The following TRPM1 variants were observed in gnomAD, a reference collection of about 807,000 sequenced individuals.
The protein encoded by TRPM1 is transient receptor potential cation channel subfamily M member 1, also known as TRPM1-203 APA Isoform, Intron 10.
A neutral mutation model predicts 149.4 loss-of-function variants in TRPM1; 113 were observed. That is an observed-to-expected ratio of 0.76 (90% CI 0.65 to 0.88). The LOEUF (loss-of-function observed/expected upper bound fraction) is 0.88. Among genes scored for constraint, TRPM1 ranks in the 40% least tolerant of loss-of-function variants. The probability of loss-of-function intolerance (pLI) is 0.00; values close to 1 mark genes in which losing one functional copy is unlikely to be tolerated. For missense variants in TRPM1, 1,976 were observed against 2,038.7 expected (o/e 0.97, Z 0.59); for synonymous variants, 741 against 759.5 (o/e 0.98, Z 0.40).
intron 4 of TRPM1, 44 bp from the exon 5 acceptor site, chr15:31,068,136 C>T (rs1411799069): frequency 1.3e-6 from 2 of 1,565,874 alleles, no homozygotes; most frequent in Admixed American, 3.3e-5. Flanking sequence ...CTTGGTTTTG[C>T]TTCTCGTGTC....
intron 1 of TRPM1, among the ~76,000 whole-genome samples, chr15:31,089,631 A>G (rs1343256763): frequency 6.6e-6 from 1 of 152,154 alleles, no homozygotes; most frequent in South Asian, 2.1e-4. Context: ...TTTGTAATTG[A>G]TGAGACGGGT....
rs188223967 is a variant in TRPM1, at chr15:31,150,641, G to A, written c.54+10265C>T. On this transcript the variant is annotated intron_variant, in intron 1 of 26. Coordinates refer to the TRPM1 transcript ENST00000542188. ...AGCAGAGATGGGGTTTCACCATGTT[G>A]GCCGGGCTGGTCTCAAACTCCTGAC... Among the ~76,000 whole-genome samples the A allele has an allele frequency of 5.6e-3, 853 of 152,052 alleles. 5 individuals are homozygous for A. The highest frequency in any genetic ancestry group is 9.1e-3 in the Non-Finnish European group (620 of 67,962).
intron 27 of TRPM1, 40 bp downstream of exon 27, chr15:31,026,099 C>A: frequency 6.2e-7 from 1 of 1,607,356 alleles, no homozygotes; most frequent in Non-Finnish European, 8.5e-7. Context: ...AGTCAGCAAA[C>A]CCTTGGCTCA....
intron 1 of TRPM1, among the ~76,000 whole-genome samples, chr15:31,127,336 T>TG (rs1250379225): frequency 1.2e-4 from 19 of 152,190 alleles, no homozygotes; most frequent in African/African-American, 4.6e-4. Context: ...GGCCTACCAG[T>TG]CCCCAGGGGC....
chr15:31,127,305 G>A (rs756747196), intron 1 of TRPM1, among the ~76,000 whole-genome samples: 1 of 152,158 alleles, frequency 6.6e-6, no homozygotes, highest in Non-Finnish European at 1.5e-5. Flanking sequence ...TGCCATCTGG[G>A]TGCAATTCAG....
At chr15:31,050,665 C>G in intron 11 of TRPM1, 83 bp from the exon 12 acceptor site, 1 of 1,467,372 alleles carries the variant, frequency 6.8e-7, no homozygotes, top group South Asian at 1.1e-5. Flanking sequence ...CCTCCCACCT[C>G]TGTATGTGCA....
intron 1 of TRPM1, among the ~76,000 whole-genome samples, chr15:31,133,997 G>T (rs1164863462): frequency 6.6e-6 from 1 of 152,204 alleles, no homozygotes; most frequent in Non-Finnish European, 1.5e-5. Context: ...CCAAGTAATT[G>T]AGCAAGTAAG....
At chr15:31,079,905 C>T (rs899408862) in intron 2 of TRPM1, among the ~76,000 whole-genome samples, 5 of 152,108 alleles carry the variant, frequency 3.3e-5, no homozygotes, top group Admixed American at 3.3e-4. Flanking sequence ...CCTTACTGTA[C>T]CAGCAAGTGA....
intron 2 of TRPM1, among the ~76,000 whole-genome samples, chr15:31,079,141 T>A (rs1308504526): frequency 6.6e-6 from 1 of 152,196 alleles, no homozygotes; most frequent in East Asian, 1.9e-4. Flanking sequence ...CAGATATAAA[T>A]GTATGTGTGG....
intron 1 of TRPM1, among the ~76,000 whole-genome samples, chr15:31,142,059 T>C (rs1277777419): frequency 2.0e-5 from 3 of 152,196 alleles, no homozygotes; most frequent in Non-Finnish European, 4.4e-5. Context: ...CATCTTGATC[T>C]ACAAATCAAT....
At chr15:31,095,772 A>G (rs1309319673) in intron 1 of TRPM1, among the ~76,000 whole-genome samples, 2 of 144,198 alleles carry the variant, frequency 1.4e-5, no homozygotes, top group Non-Finnish European at 3.1e-5. Flanking sequence ...GGCCAGGCGC[A>G]GTGGCTCACA....
chr15:31,144,996 G>A (rs573513192), intron 1 of TRPM1, among the ~76,000 whole-genome samples: 2 of 152,182 alleles, frequency 1.3e-5, no homozygotes, highest in African/African-American at 4.8e-5. Context: ...GATTACAGGC[G>A]TGAGCCACCG....
At chr15:31,030,883 T>C (rs2033035941) in intron 23 of TRPM1, 100 bp downstream of exon 23, 1 of 1,432,060 alleles carries the variant, frequency 7.0e-7, no homozygotes, top group Non-Finnish European at 9.8e-7. Context: ...GTGACAAATA[T>C]TTTTTATTTC....
At chr15:31,029,769 C>A (rs2032976294) in intron 23 of TRPM1, among the ~76,000 whole-genome samples, 1 of 152,066 alleles carries the variant, frequency 6.6e-6, no homozygotes, top group Non-Finnish European at 1.5e-5. Flanking sequence ...CTCATAAGCA[C>A]AAATAACTAC....
intron 11 of TRPM1, chr15:31,060,101 G>A: frequency 7.2e-6 from 2 of 275,942 alleles, no homozygotes; most frequent in Non-Finnish European, 6.9e-6. Flanking sequence ...CATGCACACA[G>A]ACACCCTATA....
chr15:31,050,970 A>G (rs2033933818), intron 11 of TRPM1, among the ~76,000 whole-genome samples: 1 of 152,246 alleles, frequency 6.6e-6, no homozygotes, highest in Non-Finnish European at 1.5e-5. Context: ...CAAAGGCACC[A>G]AAGACATGTG....
At chr15:31,088,684 G>A (rs1004437585) in intron 1 of TRPM1, among the ~76,000 whole-genome samples, 1 of 152,158 alleles carries the variant, frequency 6.6e-6, no homozygotes, top group African/African-American at 2.4e-5. Context: ...TTCATACTAA[G>A]CCTTTTTGGG....
chr15:31,047,777 A>C, intron 14 of TRPM1, 112 bp downstream of exon 14: 1 of 901,842 alleles, frequency 1.1e-6, no homozygotes, highest in Non-Finnish European at 1.9e-6. Context: ...GAAGGAATTC[A>C]TTATCTCCTG....
chr15:31,002,686 T>C lies in TRPM1; in HGVS notation c.4014A>G (p.Leu1338=), dbSNP rs770583325. 1 of 1,614,234 alleles carries C rather than the reference T, an allele frequency of 6.2e-7. No individual in the cohort carries two copies. Among genetic ancestry groups the C allele is most frequent in the South Asian group, 1.1e-5 (1 of 91,092 alleles). The change falls in exon 28 of 28, where the codon CTA becomes CTG. Residue 1338 remains leucine (L), a synonymous_variant. Coordinates refer to ENST00000256552, the MANE Select transcript of TRPM1 (RefSeq NM_001252024.2). The part of the protein sequence containing the change: ...IKEEKDVKTH[L]VPECQNSLHL... ...GAAGACTGTTCTGACATTCTGGGAC[T>C]AGGTGCGTTTTCACGTCCTTCTCTT...
Sources: allele counts gnomAD v4.1 joint callset (sites outside exome capture counted in the v4.1 genomes callset), GRCh38; gene constraint gnomAD v4.1.1; transcripts MANE v1.5; gene names NCBI Gene and HGNC (gene_info 2026-07-23, HGNC 2026-07-21).